The following BCL7C variants were observed in gnomAD, a reference collection of about 807,000 sequenced individuals.
BCL7C encodes BAF chromatin remodeling complex subunit BCL7C.
Under a neutral mutation model 26.2 loss-of-function variants are expected in BCL7C, and 8 were observed. That is an observed-to-expected ratio of 0.30 (90% CI 0.18 to 0.55). BCL7C has a LOEUF of 0.55. BCL7C is among the 20% of genes least tolerant of loss of function. BCL7C has a pLI of 0.93. For synonymous variants in BCL7C, 90 were observed against 116.5 expected (o/e 0.77, Z 1.47); for missense variants, 262 against 298.5 (o/e 0.88, Z 0.90).
intron 5 of BCL7C, among the ~76,000 whole-genome samples, chr16:30,871,221 T>C (rs2054879701): frequency 6.6e-6 from 1 of 152,108 alleles, no homozygotes; most frequent in Non-Finnish European, 1.5e-5. Context: ...GGACAGCGTA[T>C]AGGGAACACT....
downstream of BCL7C, among the ~76,000 whole-genome samples, chr16:30,887,382 G>A (rs2143137297): frequency 6.6e-6 from 1 of 151,390 alleles, no homozygotes; most frequent in East Asian, 1.9e-4. Context: ...TGTGGTCCCG[G>A]CTACTTGGGA....
downstream of BCL7C, among the ~76,000 whole-genome samples, chr16:30,884,832 A>C (rs931441576): frequency 6.6e-6 from 1 of 152,152 alleles, no homozygotes; most frequent in African/African-American, 2.4e-5. Context: ...AAACAGATGC[A>C]CAGAAAGGTT....
chr16:30,838,525 G>A (rs1343096838), intron 5 of BCL7C, among the ~76,000 whole-genome samples: 1 of 152,224 alleles, frequency 6.6e-6, no homozygotes, highest in Non-Finnish European at 1.5e-5. Flanking sequence ...GCCCATGCCT[G>A]TAATCCCAGC....
chr16:30,879,754 C>T (rs2143080889), intron 5 of BCL7C, among the ~76,000 whole-genome samples: 1 of 145,220 alleles, frequency 6.9e-6, no homozygotes. Flanking sequence ...CTTTGGGAGG[C>T]TGAGGCGGGC....
At chr16:30,880,723 G>A (rs2055030173) in intron 5 of BCL7C, among the ~76,000 whole-genome samples, 1 of 151,896 alleles carries the variant, frequency 6.6e-6, no homozygotes, top group Non-Finnish European at 1.5e-5. Flanking sequence ...TTTTTAGACA[G>A]GGTCTTGCTC....
At chr16:30,835,986 C>T (rs2054567056) in intron 5 of BCL7C, among the ~76,000 whole-genome samples, 1 of 151,920 alleles carries the variant, frequency 6.6e-6, no homozygotes, top group South Asian at 2.1e-4. Context: ...GGCGTGGTGG[C>T]TCACGCCTGT....
downstream of BCL7C, among the ~76,000 whole-genome samples, chr16:30,882,796 T>G (rs2055062173): frequency 6.6e-6 from 1 of 152,172 alleles, no homozygotes; most frequent in Non-Finnish European, 1.5e-5. Context: ...GCTGTTAGTT[T>G]TGCTGGCACC....
chr16:30,841,790 C>T (rs1240322807), intron 5 of BCL7C, among the ~76,000 whole-genome samples: 11 of 151,954 alleles, frequency 7.2e-5, no homozygotes, highest in Admixed American at 2.6e-4. Context: ...CCCATCTCTA[C>T]TAAAGATACA....
chr16:30,869,557 G>C (rs1489795313), intron 5 of BCL7C, among the ~76,000 whole-genome samples: 1 of 148,626 alleles, frequency 6.7e-6, no homozygotes, highest in Non-Finnish European at 1.5e-5. Flanking sequence ...TGTTGCCCAG[G>C]CTGGAGTGCA....
intron 5 of BCL7C, among the ~76,000 whole-genome samples, chr16:30,870,738 A>T (rs1209366285): frequency 6.6e-6 from 1 of 152,222 alleles, no homozygotes; most frequent in Non-Finnish European, 1.5e-5. Context: ...AAGTAGAGCC[A>T]GAGAGGGTAA....
At chr16:30,857,467 T>C (rs906505205) in intron 5 of BCL7C, among the ~76,000 whole-genome samples, 1 of 151,904 alleles carries the variant, frequency 6.6e-6, no homozygotes, top group African/African-American at 2.4e-5. Flanking sequence ...TAATGACACT[T>C]CTCTGGAAAC....
intron 5 of BCL7C, among the ~76,000 whole-genome samples, chr16:30,859,125 C>T (rs2054748939): frequency 6.6e-6 from 1 of 152,146 alleles, no homozygotes; most frequent in South Asian, 2.1e-4. Flanking sequence ...CACCTACATG[C>T]CCTCTGAGGG....
chr16:30,851,204 A>G (rs1305595913), intron 5 of BCL7C: 2 of 302,432 alleles, frequency 6.6e-6, no homozygotes, highest in Non-Finnish European at 1.3e-5. Flanking sequence ...TCAGGTGAAT[A>G]TGGTGGATGA....
intron 5 of BCL7C, among the ~76,000 whole-genome samples, chr16:30,854,949 T>C (rs528494083): frequency 6.6e-6 from 1 of 152,226 alleles, no homozygotes; most frequent in South Asian, 2.1e-4. Flanking sequence ...CCGCCTGCCT[T>C]GGCCTTCCAA....
At chr16:30,865,045 G>T (rs1185215931) in intron 5 of BCL7C, among the ~76,000 whole-genome samples, 1 of 151,716 alleles carries the variant, frequency 6.6e-6, no homozygotes, top group African/African-American at 2.4e-5. Flanking sequence ...GCAGGCAACT[G>T]TAGTCCCAGC....
rs770467743 is a variant in BCL7C at position 30,893,338 on chromosome 16, A to AC, written c.93-49dup. The AC allele has an allele frequency of 1.4e-5, 21 of 1,518,110 alleles. No individual in the cohort carries two copies. The highest frequency in any genetic ancestry group is 7.1e-5 in the Admixed American group (4 of 56,140). The allele number at this position is 1,518,110 out of a possible 1,614,324, so 94.0% of individuals were successfully genotyped here. On this transcript the variant is annotated intron_variant, in intron 1 of 5. Coordinates refer to ENST00000215115, the MANE Select transcript of BCL7C (RefSeq NM_004765.4). The surrounding 1 kb of genome is among the most constrained non-coding windows in gnomAD (Gnocchi z 5.2). ...GTCAGAGAGGCCTGAGGGGAGACCC[A>AC]CCCCCCTAGGAGCTGGACACATCTG...
intron 5 of BCL7C, among the ~76,000 whole-genome samples, chr16:30,868,528 G>A (rs931397028): frequency 1.3e-4 from 20 of 149,382 alleles, no homozygotes; most frequent in African/African-American, 4.6e-4. Flanking sequence ...GCTCACGCCT[G>A]TAATCCCAGC....
At chr16:30,837,421 C>G (rs2151358355) in intron 5 of BCL7C, among the ~76,000 whole-genome samples, 1 of 152,260 alleles carries the variant, frequency 6.6e-6, no homozygotes, top group South Asian at 2.1e-4. Flanking sequence ...AATAGAGCCT[C>G]TTGCCTCACT....
chr16:30,877,675 G>C (rs922702016), intron 5 of BCL7C, among the ~76,000 whole-genome samples: 10 of 151,328 alleles, frequency 6.6e-5, no homozygotes, highest in Non-Finnish European at 1.5e-4. Context: ...TCCTGACCTC[G>C]TGATCCACCC....
Sources: gnomAD v4.1 joint callset for allele counts (sites outside exome capture counted in the v4.1 genomes callset) on GRCh38, gnomAD v4.1.1 for gene constraint, Gnocchi (gnomAD v3.1) non-coding constraint, MANE v1.5 for transcripts, NCBI Gene and HGNC (gene_info 2026-07-23, HGNC 2026-07-21) for gene names.